Variants in ATP9A observed in about 807,000 individuals in gnomAD.
ATP9A encodes probable phospholipid-transporting ATPase IIA.
A neutral mutation model predicts 144.1 loss-of-function variants in ATP9A; 52 were observed. The observed-to-expected ratio is 0.36, with a 90% CI of 0.29 to 0.45. The LOEUF (loss-of-function observed/expected upper bound fraction) is 0.45. Among genes scored for constraint, ATP9A ranks in the 20% least tolerant of loss-of-function variants. The pLI, the probability that ATP9A is intolerant of heterozygous loss-of-function variation, is 1.00. For missense variants in ATP9A, 947 were observed against 1,392.7 expected, an observed-to-expected ratio of 0.68 and a Z score of 5.09; for synonymous variants, 582 against 557.4, an observed-to-expected ratio of 1.04 and a Z score of -0.62.
At chr20:51,678,642 G>C (rs1431955284) in intron 9 of ATP9A, among the ~76,000 whole-genome samples, 2 of 152,216 alleles carry the variant, frequency 1.3e-5, no homozygotes, top group Non-Finnish European at 2.9e-5. Flanking sequence ...TGGCTGGACA[G>C]TGGGAACCGA....
chr20:51,711,017 T>C (rs1426320444), intron 4 of ATP9A, among the ~76,000 whole-genome samples: 2 of 152,114 alleles, frequency 1.3e-5, no homozygotes, highest in Non-Finnish European at 2.9e-5. Flanking sequence ...AATATGTTAT[T>C]AAGGGAGGAT....
Position 51,622,037 on chromosome 20 carries a change from T to C in ATP9A, c.2115+37A>G, listed in dbSNP as rs147796125. The C allele has an allele frequency of 2.2e-3, 3,476 of 1,578,992 alleles. 5 individuals carry two copies. The highest frequency in any genetic ancestry group is 5.1e-3 in the Admixed American group (307 of 59,788). ...AGGAGGTTATAGGACAAATCGAACATCATCCCCACATGGCCCTAACGCAGA... is the reference window on the plus strand; with the variant it reads ...AGGAGGTTATAGGACAAATCGAACACCATCCCCACATGGCCCTAACGCAGA... On this transcript the variant is annotated intron_variant, in intron 19 of 27. Transcript: ENST00000338821.
intron 7 of ATP9A, among the ~76,000 whole-genome samples, chr20:51,692,928 C>T (rs1235755402): frequency 2.0e-5 from 3 of 152,150 alleles, no homozygotes; most frequent in Non-Finnish European, 4.4e-5. Flanking sequence ...ACGTCAATCC[C>T]GCCAAGACAT....
chr20:51,736,485 T>G (rs2077762932), intron 1 of ATP9A, among the ~76,000 whole-genome samples: 1 of 138,702 alleles, frequency 7.2e-6, no homozygotes, highest in Admixed American at 7.7e-5. Context: ...ACATTGTAGT[T>G]ACTCTTATTT....
chr20:51,747,296 C>G (rs1471492029), intron 1 of ATP9A, among the ~76,000 whole-genome samples: 1 of 152,030 alleles, frequency 6.6e-6, no homozygotes, highest in African/African-American at 2.4e-5. Context: ...AAATGTAAAG[C>G]TCAGGTCCTC....
In ATP9A at chr20:51,610,132, C is replaced by T. The variant is rs759045735; in HGVS notation, c.2605G>A (p.Val869Ile). ...ATGAGGAATCCTTGATAGAGAGGGACGGAGGCAAAGTAAAACACGGAGGAA... is the reference window on the plus strand; with the variant it reads ...ATGAGGAATCCTTGATAGAGAGGGATGGAGGCAAAGTAAAACACGGAGGAA... ...VFSSVFYFAS[V>I]PLYQGFLIIG... Residue 869 changes from valine (V) to isoleucine (I), a missense_variant, in exon 24 of 28, where the codon GTC (valine) becomes ATC (isoleucine). Physicochemically the swap from Val to Ile is conservative, Grantham distance 29. Coordinates refer to ENST00000338821, the MANE Select transcript of ATP9A (RefSeq NM_006045.3). The T allele has an allele frequency of 1.4e-5, 23 of 1,610,462 alleles. No homozygotes were observed. Among genetic ancestry groups the T allele is most frequent in the South Asian group, 2.2e-5 (2 of 90,992 alleles).
At chr20:51,721,800 C>CAAA (rs1159903304) in intron 3 of ATP9A, among the ~76,000 whole-genome samples, 7 of 86,872 alleles carry the variant, frequency 8.1e-5, no homozygotes, top group Non-Finnish European at 1.4e-4. Flanking sequence ...GACTCCATCT[C>CAAA]AAAAAAAAAA....
At chr20:51,705,740 AC>A (rs1209377448) in intron 4 of ATP9A, among the ~76,000 whole-genome samples, 1 of 152,020 alleles carries the variant, frequency 6.6e-6, no homozygotes, top group Admixed American at 6.6e-5. Context: ...GCAACCCCCC[AC>A]CCCCATTAAA....
At chr20:51,739,631 C>T (rs1179794551) in intron 1 of ATP9A, among the ~76,000 whole-genome samples, 1 of 152,132 alleles carries the variant, frequency 6.6e-6, no homozygotes, top group African/African-American at 2.4e-5. Flanking sequence ...AAGTCAATTT[C>T]CTCCATCTTC....
chr20:51,665,898 CTCTTTA>C (rs1384723917), intron 13 of ATP9A, among the ~76,000 whole-genome samples: 1 of 152,186 alleles, frequency 6.6e-6, no homozygotes. Context: ...ACCACCTGCT[CTCTTTA>C]TGAGTCCAGT....
intron 1 of ATP9A, among the ~76,000 whole-genome samples, chr20:51,732,011 C>A (rs374321301): frequency 6.6e-6 from 1 of 152,078 alleles, no homozygotes; most frequent in African/African-American, 2.4e-5. Flanking sequence ...AGCCAGCACA[C>A]CAGCTGTCGG....
chr20:51,749,802 C>T (rs1457715460), intron 1 of ATP9A, among the ~76,000 whole-genome samples: 1 of 152,002 alleles, frequency 6.6e-6, no homozygotes, highest in Non-Finnish European at 1.5e-5. Context: ...ACCTCTGTAG[C>T]TTTTAAGTAT....
At chr20:51,713,185 AG>A (rs1298445864) in intron 3 of ATP9A, 111 bp from the exon 4 acceptor site, 4 of 884,052 alleles carry the variant, frequency 4.5e-6, no homozygotes, top group Non-Finnish European at 5.4e-6. Context: ...TTGGGAGGGC[AG>A]GGGGGCAGGA....
intron 7 of ATP9A, among the ~76,000 whole-genome samples, chr20:51,691,426 G>A (rs956892630): frequency 2.0e-5 from 3 of 152,120 alleles, no homozygotes; most frequent in East Asian, 3.9e-4. Flanking sequence ...CTGAGATCGC[G>A]CCACTGCATT....
At chr20:51,674,628 G>A (rs1313817215) in intron 10 of ATP9A, among the ~76,000 whole-genome samples, 4 of 152,116 alleles carry the variant, frequency 2.6e-5, no homozygotes, top group African/African-American at 9.7e-5. Context: ...ATGTATCAGC[G>A]AGTTACTGCT....
chr20:51,652,936 A>C (rs373097865), intron 14 of ATP9A, among the ~76,000 whole-genome samples: 2 of 151,932 alleles, frequency 1.3e-5, no homozygotes, highest in Non-Finnish European at 1.5e-5. Flanking sequence ...GTGAAACCCC[A>C]TCTCTACTAA....
chr20:51,751,589 T>TTTTTG (rs893937529), intron 1 of ATP9A, among the ~76,000 whole-genome samples: 7 of 151,694 alleles, frequency 4.6e-5, no homozygotes, highest in Non-Finnish European at 8.8e-5. Context: ...TTGTTTTTTG[T>TTTTTG]TTTTGTTTTG....
intron 3 of ATP9A, among the ~76,000 whole-genome samples, chr20:51,725,298 T>C (rs1307891518): frequency 6.6e-6 from 1 of 152,014 alleles, no homozygotes; most frequent in Non-Finnish European, 1.5e-5. Context: ...AATTTTTATA[T>C]TTTTAGTAGA....
At chr20:51,670,475 C>T (rs894035830) in intron 12 of ATP9A, among the ~76,000 whole-genome samples, 3 of 152,180 alleles carry the variant, frequency 2.0e-5, no homozygotes, top group African/African-American at 7.2e-5. Flanking sequence ...AGATACATCC[C>T]TAATGGCAGA....
Sources: gnomAD v4.1 joint callset for allele counts (sites outside exome capture counted in the v4.1 genomes callset) on GRCh38, gnomAD v4.1.1 for gene constraint, MANE v1.5 for transcripts, NCBI Gene and HGNC (gene_info 2026-07-23, HGNC 2026-07-21) for gene names.